Variants in C14orf93 observed in about 807,000 individuals in gnomAD.
C14orf93 encodes the protein uncharacterized protein C14orf93.
In C14orf93, 23 loss-of-function variants were observed where a neutral mutation model predicts 44.0. The observed-to-expected ratio is 0.52, with a 90% CI of 0.38 to 0.74. C14orf93 has a LOEUF of 0.74. Ranked by LOEUF, C14orf93 falls within the 30% of genes least tolerant of loss-of-function variation. C14orf93 has a pLI of 0.00. For missense variants in C14orf93, 579 were observed against 678.9 expected, an observed-to-expected ratio of 0.85 and a Z score of 1.64; for synonymous variants, 253 against 265.7, an observed-to-expected ratio of 0.95 and a Z score of 0.46.
chr14:23,006,340 A>G (rs1022733205), intron 1 of C14orf93: 1 of 152,186 alleles, frequency 6.6e-6, no homozygotes, highest in South Asian at 2.1e-4. Flanking sequence ...ATTTTAAAAG[A>G]GTGACTCGAC....
In C14orf93 at chr14:22,986,932, C is replaced by A; in HGVS notation, c.*283G>T. 2.2e-6 allele frequency: 1 copy of A among 444,668 alleles called. No individual in the cohort carries two copies. The highest frequency in any genetic ancestry group is 4.1e-6 in the Non-Finnish European group (1 of 246,744). 27.5% of individuals were successfully genotyped at this position (444,668 alleles called of 1,614,324 possible). A position where few individuals can be genotyped will look rare whatever the true frequency, so the allele number is the denominator to read the frequency against. ...AAGAAGGCCTCATGTTTCTTGGACC[C>A]ATCCTCCTCATTTTCTCATCCCAGG... On this transcript the variant is annotated 3_prime_UTR_variant, in exon 7 of 7. Transcript: ENST00000299088.
chr14:23,007,140 C>A (rs546960273), intron 1 of C14orf93: 8 of 152,328 alleles, frequency 5.3e-5, no homozygotes, highest in East Asian at 3.9e-4. Flanking sequence ...GGCGCCTGCC[C>A]GTGTACCCGG....
At chr14:22,993,717 C>G (rs918195777) in intron 3 of C14orf93, 1 of 152,206 alleles carries the variant, frequency 6.6e-6, no homozygotes, top group Non-Finnish European at 1.5e-5. Flanking sequence ...CACCTACCTC[C>G]TGAATAAGCT....
At chr14:22,990,679 G>C (rs568075363) in intron 3 of C14orf93, among the ~76,000 whole-genome samples, 2 of 152,074 alleles carry the variant, frequency 1.3e-5, no homozygotes, top group South Asian at 4.1e-4. Context: ...ATGTTGGCCA[G>C]GCTGGTCTTA....
Position 22,992,549 on chromosome 14 carries a change from A to ATATT in C14orf93, c.919-2426_919-2423dup, listed in dbSNP as rs568110834. Among the ~76,000 whole-genome samples the ATATT allele has an allele frequency of 3.8e-3, 570 of 150,490 alleles. 2 individuals carry two copies. Among genetic ancestry groups the ATATT allele is most frequent in the African/African-American group, 7.7e-3 (316 of 41,164 alleles). ...AGTTTTGCCCATAATAGCACCTAAA[A>ATATT]TATTTATTTATTTATTTATTTATTT... is the stretch of plus-strand genomic sequence containing the variant. On this transcript the variant is annotated intron_variant, in intron 3 of 6. Coordinates refer to ENST00000299088, the MANE Select transcript of C14orf93 (RefSeq NM_021944.4).
Position 22,999,230 on chromosome 14 carries a change from A to C in C14orf93, c.-207T>G. 3 of 659,172 alleles carry C rather than the reference A, an allele frequency of 4.6e-6. No homozygotes were observed. The East Asian group carries it at 8.9e-5, about 20-fold the overall frequency. The allele number at this position is 659,172 out of a possible 1,614,324, so 40.8% of individuals were successfully genotyped here. On this transcript the variant is annotated 5_prime_UTR_variant, in exon 2 of 7. Transcript: ENST00000299088. ...GGCCTCTCCTCGGCCTGCAGAAGGG[A>C]GACAGGTGCCTTCTATTTGCAGATC...
chr14:23,009,486 C>T (rs2046780076), intron 1 of C14orf93, among the ~76,000 whole-genome samples: 1 of 126,014 alleles, frequency 7.9e-6, no homozygotes, highest in East Asian at 1.9e-4. Flanking sequence ...TCAAGAAACA[C>T]ACACACACAC....
In C14orf93 at chr14:22,998,962, C is replaced by T. The variant is rs1182713037; in HGVS notation, c.62G>A (p.Cys21Tyr). 6.2e-7 allele frequency: 1 copy of T among 1,613,736 alleles called. No individual in the cohort carries two copies. Among genetic ancestry groups the T allele is most frequent in the Non-Finnish European group, 8.5e-7 (1 of 1,179,998 alleles). Residue 21 changes from cysteine to tyrosine, a missense_variant, in exon 2 of 7, where the codon TGC becomes TAC. Transcript: ENST00000299088. ...ATTAGTCTCACTCTTACAGGCGCAG[C>T]AGCAGCATCTGGCCTCGCTGCCACT... ...PPSGSEARCC[C>Y]CACKSETNGG...
chr14:23,004,470 T>C (rs1268707650), intron 1 of C14orf93, among the ~76,000 whole-genome samples: 1 of 152,080 alleles, frequency 6.6e-6, no homozygotes, highest in Non-Finnish European at 1.5e-5. Context: ...AAAAGTTTTT[T>C]ATATGTAAGT....
intron 1 of C14orf93, chr14:23,002,882 T>C (rs1401656544): frequency 1.3e-5 from 2 of 152,162 alleles, no homozygotes; most frequent in African/African-American, 4.8e-5. Flanking sequence ...TAAAATGCAA[T>C]GGCTTGAAAT....
rs1333800032 is a variant in C14orf93, at chr14:22,996,758, C to A, written c.598-490G>T. Among the ~76,000 whole-genome samples, 3 of 152,164 alleles carry A rather than the reference C, an allele frequency of 2.0e-5. No homozygotes were observed. Among genetic ancestry groups the A allele is most frequent in the Non-Finnish European group, 2.9e-5 (2 of 68,026 alleles). ...GACTGGCAGCAACAGCTCCCCTCAC[C>A]TATCCTCCATTCCCAGAGTCAGTCC... is the stretch of plus-strand genomic sequence containing the variant. On this transcript the variant is annotated intron_variant, in intron 2 of 6. Coordinates refer to ENST00000299088, the MANE Select transcript of C14orf93 (RefSeq NM_021944.4). This position sits in a 1 kb window ranked among gnomAD's most constrained non-coding sequence, Gnocchi z 4.1.
intron 1 of C14orf93, among the ~76,000 whole-genome samples, chr14:23,007,904 G>A (rs1299790035): frequency 1.3e-5 from 2 of 152,108 alleles, no homozygotes; most frequent in African/African-American, 4.8e-5. Context: ...TGTAATCCCA[G>A]CACTTTGAGA....
rs202082073 is a variant in C14orf93, at chr14:22,998,582, C to T, written c.442G>A (p.Val148Met). Residue 148 changes from valine to methionine, a missense_variant, in exon 2 of 7, where the codon GTG becomes ATG. Physicochemically the swap from Val to Met is conservative, Grantham distance 21. Coordinates refer to ENST00000299088, the MANE Select transcript of C14orf93 (RefSeq NM_021944.4). ...LSAVEEECDS[V>M]GSGVQVVIEE... The stretch of plus-strand genomic sequence containing the variant: ...ATCACCACCTGCACGCCGCTGCCCA[C>T]GCTGTCACACTCCTCTTCCACGGCA... 58 of 1,614,086 alleles carry T rather than the reference C, an allele frequency of 3.6e-5. No homozygotes were observed. The highest frequency in any genetic ancestry group is 2.2e-4 in the Admixed American group (13 of 60,002).
At chr14:23,008,188 C>T (rs1372821917) in intron 1 of C14orf93, among the ~76,000 whole-genome samples, 2 of 147,744 alleles carry the variant, frequency 1.4e-5, no homozygotes, top group African/African-American at 5.0e-5. Flanking sequence ...AAACTCCCAT[C>T]ACTGTTGTGA....
Position 22,996,131 on chromosome 14 carries a change from C to T in C14orf93, c.735G>A (p.Lys245=), listed in dbSNP as rs751654219. Residue 245 remains lysine (K), a synonymous_variant, in exon 3 of 7, where the codon AAG becomes AAA. Transcript: ENST00000299088. This position sits in a 1 kb window ranked among gnomAD's most constrained non-coding sequence, Gnocchi z 4.1. ...TPETGPENGT[K]LPPPRPEDML... ...TGTCCTCAGGGCGGGGTGGTGGCAG[C>T]TTGGTTCCATTTTCTGGTCCTGTCT... is the stretch of plus-strand genomic sequence containing the variant. 3.1e-6 allele frequency: 5 copies of T among 1,613,936 alleles called. No homozygotes were observed. The African/African-American group carries it at 6.7e-5, about 22-fold the overall frequency.
At chr14:22,993,173 C>G (rs1049026692) in intron 3 of C14orf93, among the ~76,000 whole-genome samples, 1 of 152,250 alleles carries the variant, frequency 6.6e-6, no homozygotes, top group African/African-American at 2.4e-5. Flanking sequence ...AGCCACCGCA[C>G]CCGGCCCTAA....
rs201601407 is a variant in C14orf93 at position 22,987,325 on chromosome 14, C to T, written c.1507G>A (p.Glu503Lys). 4.3e-5 allele frequency: 70 copies of T among 1,614,260 alleles called. No individual in the cohort carries two copies. The highest frequency in any genetic ancestry group is 5.6e-5 in the Non-Finnish European group (66 of 1,180,046). Reference protein sequence around the residue: ...YNPNFQEEEDEGGDENAPGSP... With the variant: ...YNPNFQEEEDKGGDENAPGSP... ...CCAGGTGCATTCTCATCCCCTCCCT[C>T]ATCTTCCTCTTCTTGGAAATTAGGA... is the stretch of plus-strand genomic sequence containing the variant. Residue 503 changes from glutamate to lysine, a missense_variant, in exon 7 of 7, where the codon GAG becomes AAG. Physicochemically the swap from Glu to Lys is moderately conservative, Grantham distance 56. Coordinates refer to ENST00000299088, the MANE Select transcript of C14orf93 (RefSeq NM_021944.4). The surrounding 1 kb of genome is among the most constrained non-coding windows in gnomAD (Gnocchi z 5.6).
intron 1 of C14orf93, among the ~76,000 whole-genome samples, chr14:23,004,383 G>T (rs1555364425): frequency 6.7e-6 from 1 of 150,034 alleles, no homozygotes; most frequent in Non-Finnish European, 1.5e-5. Flanking sequence ...ACTAATGAAT[G>T]CTGACCTCAA....
chr14:22,997,774 T>C (rs2139625214), intron 2 of C14orf93, among the ~76,000 whole-genome samples: 1 of 152,238 alleles, frequency 6.6e-6, no homozygotes, highest in Non-Finnish European at 1.5e-5. Flanking sequence ...TTTCTTTTTC[T>C]CATTTCCCAT....
Sources: gnomAD v4.1 joint callset for allele counts (sites outside exome capture counted in the v4.1 genomes callset) on GRCh38, gnomAD v4.1.1 for gene constraint, Gnocchi (gnomAD v3.1) non-coding constraint, MANE v1.5 for transcripts, NCBI Gene and HGNC (gene_info 2026-07-23, HGNC 2026-07-21) for gene names.